ADAMTSL3: variants seen among roughly 807,000 people sequenced by gnomAD.
The protein encoded by ADAMTSL3 is ADAMTS like 3.
A neutral mutation model predicts 201.7 loss-of-function variants in ADAMTSL3; 128 were observed. That is an observed-to-expected ratio of 0.63 (90% CI 0.55 to 0.73). The LOEUF is 0.73. Among genes scored for constraint, ADAMTSL3 ranks in the 30% least tolerant of loss-of-function variants. The pLI, the probability that ADAMTSL3 is intolerant of heterozygous loss-of-function variation, is 0.00. For synonymous variants in ADAMTSL3, 738 were observed against 748.4 expected (o/e 0.99, Z 0.23); for missense variants, 1,990 against 2,119.6 (o/e 0.94, Z 1.20).
At chr15:83,706,385 A>G (rs1400253134) in intron 3 of ADAMTSL3, among the ~76,000 whole-genome samples, 1 of 152,210 alleles carries the variant, frequency 6.6e-6, no homozygotes, top group Non-Finnish European at 1.5e-5. Flanking sequence ...ATTTCATCCT[A>G]GGACATAGTG....
In ADAMTSL3 at chr15:83,970,507, A is replaced by G. The variant is rs377127011; in HGVS notation, c.2514A>G (p.Gly838=). The G allele has an allele frequency of 6.2e-7, 1 of 1,614,188 alleles. No individual in the cohort carries two copies. Among genetic ancestry groups the G allele is most frequent in the African/African-American group, 1.3e-5 (1 of 75,042 alleles). Residue 838 remains glycine, a synonymous_variant, in exon 20 of 30, where the codon GGA becomes GGG. Transcript: ENST00000286744. ...WSKCSVSCGV[G]IQRRKQVCQR... ...AGTGTTCTGTCAGTTGTGGTGTTGG[A>G]ATCCAGAGAAGAAAGCAGGTGTGTC...
intron 2 of ADAMTSL3, among the ~76,000 whole-genome samples, chr15:83,658,444 TAAACTCTTA>T (rs2061121323): frequency 6.6e-6 from 1 of 152,242 alleles, no homozygotes; most frequent in Non-Finnish European, 1.5e-5. Flanking sequence ...AGCTAAAATG[TAAACTCTTA>T]TATTCACTGC....
chr15:83,925,129 G>A (rs982000556), intron 17 of ADAMTSL3, among the ~76,000 whole-genome samples: 2 of 152,158 alleles, frequency 1.3e-5, no homozygotes, highest in Middle Eastern at 3.2e-3. Flanking sequence ...CATAAGGGTG[G>A]TGAAGGTGGG....
intron 2 of ADAMTSL3, among the ~76,000 whole-genome samples, chr15:83,696,007 C>T (rs1284329499): frequency 6.6e-6 from 1 of 152,118 alleles, no homozygotes; most frequent in Non-Finnish European, 1.5e-5. Context: ...AAGCTACAAA[C>T]TGTAAAGTCC....
chr15:83,891,107 T>G (rs968814533), intron 11 of ADAMTSL3: 1 of 491,644 alleles, frequency 2.0e-6, no homozygotes, highest in Admixed American at 3.6e-5. Flanking sequence ...CTAGTTTAGT[T>G]TTCTACATTT....
At chr15:83,779,661 G>T (rs2063134997) in intron 4 of ADAMTSL3, among the ~76,000 whole-genome samples, 1 of 131,290 alleles carries the variant, frequency 7.6e-6, no homozygotes, top group Admixed American at 8.9e-5. Flanking sequence ...TCGCAACACT[G>T]CACTCCAGCC....
At chr15:83,801,651 A>AATAAATATATAT (rs2063518782) in intron 4 of ADAMTSL3, among the ~76,000 whole-genome samples, 12 of 31,268 alleles carry the variant, frequency 3.8e-4, no homozygotes, top group African/African-American at 7.5e-4. Flanking sequence ...TATAAATATA[A>AATAAATATATAT]ATATATATAT....
intron 13 of ADAMTSL3, among the ~76,000 whole-genome samples, chr15:83,893,326 G>A (rs1411873323): frequency 6.7e-6 from 1 of 149,046 alleles, no homozygotes; most frequent in Non-Finnish European, 1.5e-5. Context: ...ACATCACTGG[G>A]TTAGGGTTAG....
intron 3 of ADAMTSL3, among the ~76,000 whole-genome samples, chr15:83,762,839 A>G (rs1253782643): frequency 6.6e-6 from 1 of 151,892 alleles, no homozygotes; most frequent in African/African-American, 2.4e-5. Context: ...CTATAGCAAT[A>G]CTGTGAAGAA....
At chr15:84,024,151 G>T (rs1194209826) in intron 26 of ADAMTSL3, among the ~76,000 whole-genome samples, 2 of 152,122 alleles carry the variant, frequency 1.3e-5, no homozygotes, top group African/African-American at 4.8e-5. Flanking sequence ...AGCTACTCGG[G>T]AGGCTGAGGC....
At chr15:83,943,846 A>G (rs1053047298) in intron 19 of ADAMTSL3, among the ~76,000 whole-genome samples, 1 of 152,238 alleles carries the variant, frequency 6.6e-6, no homozygotes, top group Non-Finnish European at 1.5e-5. Flanking sequence ...AGAATCTTCC[A>G]TAAGTCTGAT....
At chr15:83,845,457 A>G (rs887727802) in intron 7 of ADAMTSL3, among the ~76,000 whole-genome samples, 4 of 152,180 alleles carry the variant, frequency 2.6e-5, no homozygotes, top group African/African-American at 7.2e-5. Flanking sequence ...ATAGAACTGG[A>G]CTGGAAGCCA....
intron 3 of ADAMTSL3, among the ~76,000 whole-genome samples, chr15:83,726,860 C>CT (rs921574925): frequency 6.1e-4 from 89 of 146,194 alleles, no homozygotes; most frequent in Middle Eastern, 3.5e-3. Flanking sequence ...TTTCTTTTTT[C>CT]TTTTTTTTTT....
At chr15:83,815,561 G>A (rs1187506425) in intron 5 of ADAMTSL3, among the ~76,000 whole-genome samples, 1 of 152,272 alleles carries the variant, frequency 6.6e-6, no homozygotes, top group African/African-American at 2.4e-5. Context: ...CTCCCTAAAT[G>A]TCAAATAGAC....
intron 7 of ADAMTSL3, among the ~76,000 whole-genome samples, chr15:83,852,300 G>A (rs2064633049): frequency 2.0e-5 from 3 of 152,074 alleles, no homozygotes; most frequent in Admixed American, 2.0e-4. Flanking sequence ...TTTTAGTAGA[G>A]ACAGGGTTTC....
At chr15:84,036,640 C>T (rs554281270) in intron 28 of ADAMTSL3, 133 bp from the exon 29 acceptor site, 6 of 661,128 alleles carry the variant, frequency 9.1e-6, no homozygotes, top group African/African-American at 5.4e-5. Context: ...AGAGGAATGT[C>T]TTGGTCTTAG....
intron 20 of ADAMTSL3, among the ~76,000 whole-genome samples, chr15:83,972,552 T>C (rs778979876): frequency 2.6e-5 from 4 of 152,192 alleles, no homozygotes; most frequent in Admixed American, 1.3e-4. Flanking sequence ...GTGGTTATTA[T>C]GGCATCCAAT....
chr15:84,024,199 T>C (rs558975235), intron 26 of ADAMTSL3, among the ~76,000 whole-genome samples: 58 of 152,132 alleles, frequency 3.8e-4, no homozygotes, highest in Non-Finnish European at 6.8e-4. Context: ...ATGGTTGGAG[T>C]GAGCCGAGGT....
chr15:83,743,938 C>T (rs1179647853), intron 3 of ADAMTSL3, among the ~76,000 whole-genome samples: 1 of 150,770 alleles, frequency 6.6e-6, no homozygotes, highest in Non-Finnish European at 1.5e-5. Flanking sequence ...GCAAGCTCTG[C>T]CTCTCAGGTT....
Sources: gnomAD v4.1 joint callset for allele counts (sites outside exome capture counted in the v4.1 genomes callset) on GRCh38, gnomAD v4.1.1 for gene constraint, MANE v1.5 for transcripts, NCBI Gene and HGNC (gene_info 2026-07-23, HGNC 2026-07-21) for gene names.